Variants in TRPM6 observed in about 807,000 individuals in gnomAD.
TRPM6 encodes the protein channel kinase 2.
Under a neutral mutation model 247.6 loss-of-function variants are expected in TRPM6, and 111 were observed. The observed-to-expected ratio is 0.45, with a 90% confidence interval of 0.38 to 0.52. The LOEUF (loss-of-function observed/expected upper bound fraction) is 0.52, where lower values mean the gene tolerates loss of function less well. Among genes scored for constraint, TRPM6 ranks in the 20% least tolerant of loss-of-function variants. TRPM6 has a pLI of 0.00. For synonymous variants in TRPM6, 892 were observed against 853.8 expected (o/e 1.04, Z -0.78); for missense variants, 2,126 against 2,421.5 (o/e 0.88, Z 2.56).
intron 25 of TRPM6, among the ~76,000 whole-genome samples, chr9:74,768,466 C>A (rs934300814): frequency 4.6e-5 from 7 of 152,334 alleles, no homozygotes; most frequent in African/African-American, 1.2e-4. Flanking sequence ...TCCTGAACAT[C>A]TCTGGCTAAA....
intron 5 of TRPM6, among the ~76,000 whole-genome samples, chr9:74,835,514 T>C (rs1829695058): frequency 6.6e-6 from 1 of 152,170 alleles, no homozygotes; most frequent in Non-Finnish European, 1.5e-5. Context: ...TGAGGAGTAA[T>C]ATGTTAATGT....
intron 30 of TRPM6, 123 bp from the exon 31 acceptor site, chr9:74,748,037 T>C: frequency 1.1e-6 from 1 of 898,748 alleles, no homozygotes; most frequent in South Asian, 1.4e-5. Flanking sequence ...ACATGTGAAA[T>C]ACATATACAG....
At chr9:74,865,279 C>G (rs1280099900) in intron 1 of TRPM6, among the ~76,000 whole-genome samples, 1 of 152,172 alleles carries the variant, frequency 6.6e-6, no homozygotes, top group African/African-American at 2.4e-5. Flanking sequence ...TTGGTTGAAG[C>G]CCTCATTATT....
At position 74,780,474 on chromosome 9, in the gene TRPM6, G is replaced by A. The variant is rs968700429; in HGVS notation, c.3209+1888C>T. Among the ~76,000 whole-genome samples the A allele has an allele frequency of 6.6e-5, 10 of 151,928 alleles. No homozygotes were observed. In the East Asian group the frequency reaches 1.9e-3, roughly 29 times the overall value. On this transcript the variant is annotated intron_variant, in intron 23 of 38. Transcript: ENST00000360774. ...CGTCTCAAAAAAAAAAAAACGAAGT[G>A]ACAGAAAAGCCAACTCACATGGGGC...
chr9:74,738,711 T>C lies in TRPM6; in HGVS notation c.5571-99A>G, dbSNP rs185502747. 530 of 1,007,224 alleles carry C rather than the reference T, an allele frequency of 5.3e-4. 1 individual carries two copies. The African/African-American group carries it at 7.2e-3, about 14-fold the overall frequency. 62.4% of individuals were successfully genotyped at this position (1,007,224 alleles called of 1,614,324 possible). On this transcript the variant is annotated intron_variant, in intron 35 of 38. Coordinates refer to ENST00000360774, the MANE Select transcript of TRPM6 (RefSeq NM_017662.5). ...AGCAGGGAAGATTACCTAACTCTGG[T>C]ATGATGCAGCCTCAATGCACATGCC... is the stretch of plus-strand genomic sequence containing the variant.
intron 1 of TRPM6, chr9:74,887,383 T>C: frequency 1.1e-5 from 15 of 1,398,868 alleles, no homozygotes; most frequent in Non-Finnish European, 1.4e-5. Flanking sequence ...GGGTCTGAGA[T>C]CTGTGCCCGT....
At position 74,820,311 on chromosome 9, in the gene TRPM6, CT is replaced by C; in HGVS notation, c.1126del (p.Arg376GlyfsTer19). 6.2e-7 allele frequency: 1 copy of C among 1,614,114 alleles called. No individual in the cohort carries two copies. The highest frequency in any genetic ancestry group is 8.5e-7 in the Non-Finnish European group (1 of 1,179,978). ...FQILMECMVH[R>X]DCITIFDADS... ...TCAACTCGTCATACTCACACAATCC[CT>C]GTGAACCATACACTCCATTAGAATT... On this transcript the variant is annotated frameshift_variant, in exon 9 of 39. Coordinates refer to ENST00000360774, the MANE Select transcript of TRPM6 (RefSeq NM_017662.5). LOFTEE classifies it high-confidence loss of function.
chr9:74,885,189 A>G (rs1350314089), intron 1 of TRPM6, among the ~76,000 whole-genome samples: 1 of 152,240 alleles, frequency 6.6e-6, no homozygotes, highest in Non-Finnish European at 1.5e-5. Flanking sequence ...GGGAGGCATA[A>G]TAATGTTGAC....
At chr9:74,771,610 T>C (rs973243114) in intron 25 of TRPM6, 93 bp downstream of exon 25, 11 of 1,273,320 alleles carry the variant, frequency 8.6e-6, no homozygotes, top group Admixed American at 5.2e-5. Context: ...CTCAAACCTC[T>C]GGGATTTGAA....
At chr9:74,802,624 C>T (rs566519112) in intron 15 of TRPM6, among the ~76,000 whole-genome samples, 1 of 152,188 alleles carries the variant, frequency 6.6e-6, no homozygotes, top group Non-Finnish European at 1.5e-5. Context: ...GTATTGGATA[C>T]ATGGGAGTGA....
chr9:74,767,344 G>C (rs1481014241), intron 25 of TRPM6, among the ~76,000 whole-genome samples: 1 of 152,100 alleles, frequency 6.6e-6, no homozygotes, highest in African/African-American at 2.4e-5. Flanking sequence ...TACACTACTA[G>C]AATCAAAAAA....
At chr9:74,859,598 C>T (rs534927157) in intron 1 of TRPM6, among the ~76,000 whole-genome samples, 1 of 152,082 alleles carries the variant, frequency 6.6e-6, no homozygotes, top group South Asian at 2.1e-4. Flanking sequence ...CATGGTGAAA[C>T]CCCGTCTCTA....
intron 6 of TRPM6, among the ~76,000 whole-genome samples, chr9:74,828,893 T>A (rs1378666682): frequency 6.6e-6 from 1 of 152,182 alleles, no homozygotes; most frequent in African/African-American, 2.4e-5. Context: ...GTTCAAGGAC[T>A]GGCACCAGTA....
At chr9:74,746,976 A>G (rs1826069846) in intron 31 of TRPM6, among the ~76,000 whole-genome samples, 1 of 152,184 alleles carries the variant, frequency 6.6e-6, no homozygotes, top group South Asian at 2.1e-4. Flanking sequence ...AAATAAGTCG[A>G]CAAAGAAGTA....
At chr9:74,876,632 T>C (rs966753651) in intron 1 of TRPM6, among the ~76,000 whole-genome samples, 1 of 152,226 alleles carries the variant, frequency 6.6e-6, no homozygotes, top group Non-Finnish European at 1.5e-5. Context: ...TTCACTTTAC[T>C]ATCGCTTACC....
rs1214008207 is a variant in TRPM6, at chr9:74,786,003, A to T, written c.2790T>A (p.Gly930=). The T allele has an allele frequency of 6.8e-6, 11 of 1,614,084 alleles. No individual in the cohort carries two copies. The highest frequency in any genetic ancestry group is 9.3e-6 in the Non-Finnish European group (11 of 1,180,048). The change falls in exon 21 of 39, where the codon GGT becomes GGA. Residue 930 remains glycine (G), a synonymous_variant. Transcript: ENST00000360774. ...TTCCCGCTGTGTGAAAAGGAGGGTC[A>T]CCCCATCGAAGGACGAAGCCAGCTG... is the stretch of plus-strand genomic sequence containing the variant. ...LFSAGFVLRW[G]DPPFHTAGRL...
chr9:74,816,585 A>C, intron 11 of TRPM6, 84 bp downstream of exon 11: 4 of 1,067,432 alleles, frequency 3.7e-6, no homozygotes, highest in Non-Finnish European at 5.6e-6. Context: ...ACCAATCAAT[A>C]TCTCCTCTCA....
intron 18 of TRPM6, among the ~76,000 whole-genome samples, chr9:74,795,102 T>C (rs1828043652): frequency 6.6e-6 from 1 of 152,198 alleles, no homozygotes; most frequent in South Asian, 2.1e-4. Context: ...ACCCACTCCT[T>C]CTCCAGTTAT....
At chr9:74,806,474 A>C (rs540544149) in intron 14 of TRPM6, among the ~76,000 whole-genome samples, 1 of 152,230 alleles carries the variant, frequency 6.6e-6, no homozygotes, top group East Asian at 1.9e-4. Context: ...TTTTGTTGAT[A>C]AAAATTGAAC....
Sources: gnomAD v4.1 joint callset for allele counts (sites outside exome capture counted in the v4.1 genomes callset) on GRCh38, gnomAD v4.1.1 for gene constraint, MANE v1.5 for transcripts, NCBI Gene and HGNC (gene_info 2026-07-23, HGNC 2026-07-21) for gene names.